MACO1: variants seen among roughly 807,000 people sequenced by gnomAD.
MACO1 encodes the protein macoilin 1.
Under a neutral mutation model 78.7 loss-of-function variants are expected in MACO1, and 14 were observed. That is an observed-to-expected ratio of 0.18 (90% CI 0.12 to 0.28). The LOEUF is 0.28. MACO1 is among the 10% of genes least tolerant of loss of function. MACO1 has a pLI of 1.00. For missense variants in MACO1, 501 were observed against 799.0 expected, an observed-to-expected ratio of 0.63 and a Z score of 4.50; for synonymous variants, 288 against 291.6, an observed-to-expected ratio of 0.99 and a Z score of 0.12.
intron 1 of MACO1, among the ~76,000 whole-genome samples, chr1:25,443,807 C>T (rs2042992243): frequency 6.6e-6 from 1 of 152,162 alleles, no homozygotes; most frequent in African/African-American, 2.4e-5. Context: ...TGGTGGTACT[C>T]TTTCTTCTCC....
chr1:25,452,533 A>G (rs1397086887), intron 3 of MACO1, among the ~76,000 whole-genome samples: 2 of 152,166 alleles, frequency 1.3e-5, no homozygotes, highest in Non-Finnish European at 2.9e-5. Context: ...ACTTGTTCTT[A>G]CTTAAGGATT....
intron 10 of MACO1, among the ~76,000 whole-genome samples, chr1:25,494,340 G>C (rs1183632051): frequency 6.6e-6 from 1 of 152,164 alleles, no homozygotes; most frequent in Non-Finnish European, 1.5e-5. Context: ...TGAATTTCAA[G>C]AGCAGAGAAT....
Position 25,471,819 on chromosome 1 carries a change from GA to G in MACO1, c.1155-12294del, listed in dbSNP as rs1453139744. ...TTATTAATAATTTTATTTCTAAATA[GA>G]AAGTCTCTTTGCTCCAAACCCCTTT... On this transcript the variant is annotated intron_variant, in intron 6 of 10. Coordinates refer to ENST00000374343, the MANE Select transcript of MACO1 (RefSeq NM_018202.6). 2.6e-5 allele frequency among the ~76,000 whole-genome samples: 4 copies of G among 152,300 alleles called. No homozygotes were observed. The East Asian group carries it at 7.7e-4, about 29-fold the overall frequency.
chr1:25,465,820 G>A (rs1317987422), intron 6 of MACO1, among the ~76,000 whole-genome samples: 1 of 152,090 alleles, frequency 6.6e-6, no homozygotes, highest in African/African-American at 2.4e-5. Context: ...GTGTCCATGT[G>A]TACACATTTT....
intron 1 of MACO1, among the ~76,000 whole-genome samples, chr1:25,432,647 A>T (rs1311086591): frequency 6.6e-6 from 1 of 152,248 alleles, no homozygotes; most frequent in Non-Finnish European, 1.5e-5. Flanking sequence ...TTCTTGAATT[A>T]AAGAAAGTTT....
At chr1:25,455,182 C>G (rs1342751049) in intron 4 of MACO1, among the ~76,000 whole-genome samples, 1 of 151,960 alleles carries the variant, frequency 6.6e-6, no homozygotes, top group Admixed American at 6.6e-5. Flanking sequence ...TTTCCTTAGC[C>G]TATTTATAAA....
intron 1 of MACO1, among the ~76,000 whole-genome samples, chr1:25,441,858 G>T (rs2042975890): frequency 1.3e-5 from 2 of 152,204 alleles, no homozygotes; most frequent in African/African-American, 4.8e-5. Flanking sequence ...AAAAATGGAA[G>T]AACTAACCCT....
rs2043040469 is a variant in MACO1 at position 25,448,989 on chromosome 1, TGTG to T, written c.349+58_349+60del. On this transcript the variant is annotated intron_variant, in intron 3 of 10. Coordinates refer to ENST00000374343, the MANE Select transcript of MACO1 (RefSeq NM_018202.6). ...GAAATCTTAGATTCAAATTTTTAAA[TGTG>T]GTTATTTCTTTGAATACATTATTTA... 34 of 1,381,442 alleles carry T rather than the reference TGTG, an allele frequency of 2.5e-5. No homozygotes were observed. The South Asian group carries it at 6.7e-4, about 27-fold the overall frequency. The allele number at this position is 1,381,442 out of a possible 1,614,324, so 85.6% of individuals were successfully genotyped here.
rs751744975 is a variant in MACO1, at chr1:25,499,617, A to G, written c.*1151A>G. The G allele has an allele frequency of 1.6e-4, 23 of 144,098 alleles. No homozygotes were observed. The highest frequency in any genetic ancestry group is 2.3e-4 in the African/African-American group (9 of 39,304). 8.9% of individuals were successfully genotyped at this position (144,098 alleles called of 1,614,324 possible). On this transcript the variant is annotated 3_prime_UTR_variant, in exon 11 of 11. Coordinates refer to ENST00000374343, the MANE Select transcript of MACO1 (RefSeq NM_018202.6). ...ACTCTGCACAAAGATTTCAGTTTCA[A>G]ATGTGTATTATACATGGGTAGAAAA... is the stretch of plus-strand genomic sequence containing the variant.
chr1:25,484,376 T>TG, intron 7 of MACO1, 102 bp downstream of exon 7: 1 of 1,191,870 alleles, frequency 8.4e-7, no homozygotes, highest in Non-Finnish European at 1.1e-6. Flanking sequence ...AGAGACCTGC[T>TG]GAGAGGTTTT....
rs544617894 is a variant in MACO1, at chr1:25,435,216, A to G, written c.80+4038A>G. 2.0e-4 allele frequency among the ~76,000 whole-genome samples: 31 copies of G among 152,240 alleles called. 1 individual carries two copies. The highest frequency in any genetic ancestry group is 3.4e-3 in the Middle Eastern group (1 of 294). On this transcript the variant is annotated intron_variant, in intron 1 of 10. Transcript: ENST00000374343. ...GAAGTACCCTTTCACTGTGTATTTA[A>G]GACTGCTTCCTGTCTTCATGTACTG... is the stretch of plus-strand genomic sequence containing the variant.
At chr1:25,472,065 G>A (rs74063406) in intron 6 of MACO1, among the ~76,000 whole-genome samples, 7,697 of 152,134 alleles carry the variant, frequency 0.051, 607 homozygotes, top group African/African-American at 0.17. Flanking sequence ...CCAGGAACAG[G>A]GAAGATAATC....
chr1:25,465,767 C>T (rs959502854), intron 6 of MACO1, among the ~76,000 whole-genome samples: 63 of 152,190 alleles, frequency 4.1e-4, no homozygotes, highest in African/African-American at 1.5e-3. Flanking sequence ...CCTCCTTCTA[C>T]CCCCTCGTCT....
chr1:25,464,360 T>C (rs993088382), intron 6 of MACO1, among the ~76,000 whole-genome samples: 1 of 108,742 alleles, frequency 9.2e-6, no homozygotes, highest in African/African-American at 3.2e-5. Context: ...TTTTTTTTTT[T>C]TTGAGATGGG....
At chr1:25,471,350 A>G (rs1334664969) in intron 6 of MACO1, among the ~76,000 whole-genome samples, 7 of 152,220 alleles carry the variant, frequency 4.6e-5, no homozygotes, top group Non-Finnish European at 7.4e-5. Flanking sequence ...ACAAAAAAAA[A>G]AAAAAGAAAG....
rs1456244381 is a variant in MACO1 at position 25,454,279 on chromosome 1, A to G, written c.370A>G (p.Thr124Ala). 3.1e-6 allele frequency: 5 copies of G among 1,603,778 alleles called. No homozygotes were observed. The highest frequency in any genetic ancestry group is 8.5e-7 in the Non-Finnish European group (1 of 1,175,568). ...WHTERGVCLP[T>A]VSLWILFVYI... Reference sequence around the variant, plus strand: ...CACAGAAAGGGGAGTGTGTTTGCCTACAGTGTCTCTCTGGATCCTCTTTGT... The same window carrying G: ...CACAGAAAGGGGAGTGTGTTTGCCTGCAGTGTCTCTCTGGATCCTCTTTGT... Residue 124 changes from threonine to alanine, a missense_variant, in exon 4 of 11, where the codon ACA becomes GCA. Physicochemically the swap from Thr to Ala is moderately conservative, Grantham distance 58 (BLOSUM62 0). Coordinates refer to ENST00000374343, the MANE Select transcript of MACO1 (RefSeq NM_018202.6).
intron 6 of MACO1, 137 bp downstream of exon 6, chr1:25,459,029 T>C (rs986834378): frequency 1.8e-6 from 2 of 1,116,178 alleles, no homozygotes; most frequent in Non-Finnish European, 2.5e-6. Context: ...TACATGAGTT[T>C]GTTGGCCACC....
At chr1:25,459,808 CT>C (rs978696330) in intron 6 of MACO1, among the ~76,000 whole-genome samples, 16 of 152,250 alleles carry the variant, frequency 1.1e-4, no homozygotes, top group Middle Eastern at 3.4e-3. Context: ...ATTACATTGA[CT>C]GGCTCAGACT....
intron 10 of MACO1, among the ~76,000 whole-genome samples, chr1:25,495,531 A>G (rs1048989316): frequency 1.3e-5 from 2 of 152,176 alleles, no homozygotes; most frequent in Non-Finnish European, 2.9e-5. Flanking sequence ...TACTGCTCTC[A>G]CTGCTGCCTT....
Sources: gnomAD v4.1 joint callset for allele counts (sites outside exome capture counted in the v4.1 genomes callset) on GRCh38, gnomAD v4.1.1 for gene constraint, MANE v1.5 for transcripts, NCBI Gene and HGNC (gene_info 2026-07-23, HGNC 2026-07-21) for gene names.